Variants in DCC observed in about 807,000 individuals in gnomAD.
The protein encoded by DCC is DCC netrin 1 receptor.
DCC carries 58 observed loss-of-function variants against 172.5 expected under a neutral mutation model. That is an observed-to-expected ratio of 0.34 (90% CI 0.27 to 0.42). The LOEUF is 0.42. Ranked by LOEUF, DCC falls within the 10% of genes least tolerant of loss-of-function variation. DCC has a pLI of 1.00. For synonymous variants in DCC, 709 were observed against 644.5 expected, an observed-to-expected ratio of 1.10 and a Z score of -1.52; for missense variants, 1,740 against 1,791.0, an observed-to-expected ratio of 0.97 and a Z score of 0.51.
chr18:52,804,772 C>A (rs532829780), intron 2 of DCC, among the ~76,000 whole-genome samples: 97 of 152,154 alleles, frequency 6.4e-4, no homozygotes, highest in African/African-American at 2.2e-3. Context: ...TTAGTAGAGA[C>A]GGGGTTTCAC....
intron 1 of DCC, among the ~76,000 whole-genome samples, chr18:52,593,171 C>T (rs1405600312): frequency 6.6e-6 from 1 of 152,138 alleles, no homozygotes; most frequent in African/African-American, 2.4e-5. Flanking sequence ...TTATCCAAAA[C>T]ATTTTTGAAG....
chr18:52,865,116 T>C (rs4939709), intron 2 of DCC, among the ~76,000 whole-genome samples: 152,084 of 152,136 alleles, frequency 1, 76,016 homozygotes, highest in Middle Eastern at 1. Context: ...CCTCCCGCCT[T>C]GGCCTCCCAA....
chr18:53,160,725 C>T (rs1376494109), intron 8 of DCC, among the ~76,000 whole-genome samples: 1 of 152,180 alleles, frequency 6.6e-6, no homozygotes, highest in Non-Finnish European at 1.5e-5. Flanking sequence ...TATTTCATGA[C>T]TTTTTCTCTC....
rs1429881050 is a variant in DCC at position 53,073,494 on chromosome 18, C to A, written c.1261+7328C>A. On this transcript the variant is annotated intron_variant, in intron 7 of 28. Transcript: ENST00000442544. ...TGAGCCGAGATAGCACCACTGCACT[C>A]CAGCCTGGGTGACAGAGCGAGACTC... Among the ~76,000 whole-genome samples, 3 of 152,034 alleles carry A rather than the reference C, an allele frequency of 2.0e-5. No homozygotes were observed. The East Asian group carries it at 5.8e-4, about 29-fold the overall frequency.
At chr18:53,091,863 A>AATCTATC (rs1361988339) in intron 7 of DCC, among the ~76,000 whole-genome samples, 1,743 of 113,820 alleles carry the variant, frequency 0.015, 15 homozygotes, top group Middle Eastern at 0.037. Flanking sequence ...ATCTATCTAT[A>AATCTATC]TATATATATA....
At chr18:53,443,867 A>G (rs987001254) in intron 22 of DCC, among the ~76,000 whole-genome samples, 6 of 152,244 alleles carry the variant, frequency 3.9e-5, no homozygotes, top group Non-Finnish European at 7.3e-5. Flanking sequence ...TCGAAATCCC[A>G]GTAACTGCGA....
intron 1 of DCC, among the ~76,000 whole-genome samples, chr18:52,700,013 T>C (rs748369757): frequency 1.5e-4 from 22 of 151,470 alleles, no homozygotes; most frequent in Non-Finnish European, 2.9e-4. Flanking sequence ...TAGAGCAATG[T>C]ATTCTTCACT....
At chr18:53,464,375 A>G (rs2045593590) in intron 24 of DCC, among the ~76,000 whole-genome samples, 1 of 152,160 alleles carries the variant, frequency 6.6e-6, no homozygotes, top group Admixed American at 6.5e-5. Context: ...CATAACACCA[A>G]ATGGGCAATG....
chr18:53,009,738 A>T (rs62097939), intron 5 of DCC, among the ~76,000 whole-genome samples: 1 of 151,620 alleles, frequency 6.6e-6, no homozygotes, highest in Non-Finnish European at 1.5e-5. Context: ...TATGTTGTAA[A>T]TTTTAAAACA....
chr18:53,476,182 G>A (rs2045760002), intron 25 of DCC, among the ~76,000 whole-genome samples: 1 of 152,236 alleles, frequency 6.6e-6, no homozygotes. Flanking sequence ...AGGTGGAAAG[G>A]ACTTGCCTTG....
At chr18:52,516,743 A>T (rs1028710325) in intron 1 of DCC, among the ~76,000 whole-genome samples, 6 of 152,220 alleles carry the variant, frequency 3.9e-5, no homozygotes, top group Non-Finnish European at 7.3e-5. Flanking sequence ...AGTCTTCTTA[A>T]TAACCTTTAT....
At chr18:52,521,035 A>G (rs544545664) in intron 1 of DCC, among the ~76,000 whole-genome samples, 2 of 152,202 alleles carry the variant, frequency 1.3e-5, no homozygotes, top group Non-Finnish European at 2.9e-5. Flanking sequence ...AAAAATATAC[A>G]TGGTGGTATA....
intron 8 of DCC, among the ~76,000 whole-genome samples, chr18:53,160,894 T>C (rs1279579621): frequency 6.6e-6 from 1 of 152,158 alleles, no homozygotes; most frequent in Non-Finnish European, 1.5e-5. Context: ...TCCTCAAATT[T>C]CCATAAAACA....
intron 8 of DCC, among the ~76,000 whole-genome samples, chr18:53,157,962 C>T (rs1454169079): frequency 6.6e-6 from 1 of 152,034 alleles, no homozygotes; most frequent in South Asian, 2.1e-4. Flanking sequence ...TTAAAATATA[C>T]AATAAAGTGT....
chr18:52,635,119 C>T (rs375837492), intron 1 of DCC, among the ~76,000 whole-genome samples: 12 of 152,262 alleles, frequency 7.9e-5, no homozygotes, highest in African/African-American at 2.9e-4. Flanking sequence ...ATGTCTAGGG[C>T]ACTCTTCCCT....
intron 5 of DCC, among the ~76,000 whole-genome samples, chr18:53,007,459 A>G (rs1283335557): frequency 6.6e-6 from 1 of 152,164 alleles, no homozygotes; most frequent in Non-Finnish European, 1.5e-5. Flanking sequence ...CTGGAACTAA[A>G]TAAGAGCTGA....
intron 2 of DCC, among the ~76,000 whole-genome samples, chr18:52,833,375 C>G (rs971569401): frequency 6.6e-6 from 1 of 152,096 alleles, no homozygotes; most frequent in Non-Finnish European, 1.5e-5. Context: ...TTCTGCCACA[C>G]TTTATAGAGG....
chr18:52,363,573 T>C (rs139440790), intron 1 of DCC, among the ~76,000 whole-genome samples: 1 of 152,304 alleles, frequency 6.6e-6, no homozygotes, highest in African/African-American at 2.4e-5. Context: ...GATGCAGTTC[T>C]CAGAAAGTTT....
intron 1 of DCC, among the ~76,000 whole-genome samples, chr18:52,545,965 T>C (rs942697248): frequency 1.3e-5 from 2 of 152,222 alleles, no homozygotes; most frequent in African/African-American, 4.8e-5. Context: ...AAATTAAATA[T>C]GTACCACCAA....
Sources: gnomAD v4.1 joint callset for allele counts (sites outside exome capture counted in the v4.1 genomes callset) on GRCh38, gnomAD v4.1.1 for gene constraint, MANE v1.5 for transcripts, NCBI Gene and HGNC (gene_info 2026-07-23, HGNC 2026-07-21) for gene names.